Variants in TBC1D12 observed in about 807,000 individuals in gnomAD.
TBC1D12 encodes the protein TBC1 domain family member 12.
TBC1D12 carries 56 observed loss-of-function variants against 86.7 expected under a neutral mutation model. The ratio of observed to expected loss-of-function variants is 0.65; its 90% CI spans 0.52 to 0.81. The LOEUF is 0.81. TBC1D12 is among the 30% of genes least tolerant of loss of function. TBC1D12 has a pLI of 0.00. For missense variants in TBC1D12, 1,023 were observed against 1,038.8 expected (o/e 0.98, Z 0.21); for synonymous variants, 421 against 411.7 (o/e 1.02, Z -0.27).
chr10:94,514,371 A>T (rs934615592), intron 9 of TBC1D12, among the ~76,000 whole-genome samples: 1 of 152,070 alleles, frequency 6.6e-6, no homozygotes, highest in Non-Finnish European at 1.5e-5. Flanking sequence ...AAAAAAATTA[A>T]AGTTACTCCT....
chr10:94,459,756 C>T (rs1053542373), intron 2 of TBC1D12, among the ~76,000 whole-genome samples: 2 of 152,212 alleles, frequency 1.3e-5, no homozygotes, highest in Non-Finnish European at 2.9e-5. Context: ...AAGCCCCTCA[C>T]TGCCCGGGGC....
At chr10:94,514,756 G>A (rs1260258339) in intron 9 of TBC1D12, among the ~76,000 whole-genome samples, 1 of 152,116 alleles carries the variant, frequency 6.6e-6, no homozygotes, top group Non-Finnish European at 1.5e-5. Flanking sequence ...TTGACATACC[G>A]ATTTCAAGTC....
chr10:94,492,556 A>G (rs117177773), intron 3 of TBC1D12, among the ~76,000 whole-genome samples: 4,503 of 152,312 alleles, frequency 0.03, 102 homozygotes, highest in South Asian at 0.045. Flanking sequence ...ATGGAATACT[A>G]CTCAGCAATT....
rs760917790 is a variant in TBC1D12 at position 94,531,377 on chromosome 10, T to C, written c.2176T>C (p.Leu726=). The C allele has an allele frequency of 1.2e-6, 2 of 1,614,132 alleles. 1 individual carries two copies. The highest frequency in any genetic ancestry group is 2.2e-5 in the South Asian group (2 of 91,080). The change falls in exon 12 of 13, where the codon TTG becomes CTG. Residue 726 remains leucine (L), a synonymous_variant. Coordinates refer to ENST00000225235, the MANE Select transcript of TBC1D12 (RefSeq NM_015188.2). ...TCATATAGCACAGTTTCTAACTAAA[T>C]TGCCAGAAGATATCACATCGGAAAA... ...FIHIAQFLTK[L]PEDITSEKLF... is the part of the protein sequence containing the mutation.
intron 1 of TBC1D12, among the ~76,000 whole-genome samples, chr10:94,440,243 C>T (rs2055360019): frequency 6.6e-6 from 1 of 151,750 alleles, no homozygotes; most frequent in African/African-American, 2.4e-5. Context: ...TATCATAGCT[C>T]ACTGCATCCT....
intron 6 of TBC1D12, 62 bp from the exon 7 acceptor site, chr10:94,507,205 A>C (rs1694264144): frequency 6.5e-7 from 1 of 1,529,364 alleles, no homozygotes; most frequent in South Asian, 1.2e-5. Context: ...GTAAAAATTA[A>C]AATTTGCAAA....
intron 3 of TBC1D12, among the ~76,000 whole-genome samples, chr10:94,491,803 A>AGTG: frequency 2.0e-5 from 3 of 146,600 alleles, no homozygotes; most frequent in Admixed American, 6.9e-5. Context: ...CCCTTATTTT[A>AGTG]TTAGTAATGC....
chr10:94,442,210 C>A (rs889020777), intron 2 of TBC1D12, among the ~76,000 whole-genome samples, 191 bp downstream of exon 2: 1 of 150,444 alleles, frequency 6.6e-6, no homozygotes, highest in Non-Finnish European at 1.5e-5. Flanking sequence ...CATATATTTT[C>A]TGTTATCTTT....
Position 94,503,439 on chromosome 10 carries a change from T to G in TBC1D12, c.1519+3112T>G, listed in dbSNP as rs116416726. ...AGCCAGGATTGGATGCAAAAGCTTT[T>G]CTACAAAAATGTTCATTGCAGCAAT... On this transcript the variant is annotated intron_variant, in intron 6 of 12. Coordinates refer to ENST00000225235, the MANE Select transcript of TBC1D12 (RefSeq NM_015188.2). 4.9e-3 allele frequency among the ~76,000 whole-genome samples: 751 copies of G among 152,278 alleles called. 7 individuals are homozygous for G. The highest frequency in any genetic ancestry group is 0.017 in the African/African-American group (716 of 41,564).
At chr10:94,424,051 A>G (rs561969893) in intron 1 of TBC1D12, among the ~76,000 whole-genome samples, 6 of 152,340 alleles carry the variant, frequency 3.9e-5, no homozygotes, top group African/African-American at 1.2e-4. Context: ...ATTAGGTATT[A>G]TAATTAATCT....
At chr10:94,518,702 TTTC>T (rs1409502231) in intron 9 of TBC1D12, among the ~76,000 whole-genome samples, 11 of 152,232 alleles carry the variant, frequency 7.2e-5, no homozygotes, top group Admixed American at 5.2e-4. Context: ...GAAATAACTT[TTTC>T]TTATTTTCTT....
intron 2 of TBC1D12, among the ~76,000 whole-genome samples, chr10:94,464,064 C>G (rs1268899861): frequency 1.3e-5 from 2 of 152,048 alleles, no homozygotes; most frequent in African/African-American, 4.8e-5. Context: ...ACTTTATTAG[C>G]CACTAGAGCT....
chr10:94,465,753 T>G (rs183263594), intron 2 of TBC1D12, among the ~76,000 whole-genome samples: 23 of 150,974 alleles, frequency 1.5e-4, no homozygotes, highest in Admixed American at 1.4e-3. Context: ...TACATACATA[T>G]GTATACATAC....
intron 2 of TBC1D12, among the ~76,000 whole-genome samples, chr10:94,447,963 T>G (rs1589622330): frequency 6.6e-6 from 1 of 151,590 alleles, no homozygotes; most frequent in Non-Finnish European, 1.5e-5. Context: ...GGCACTGCTT[T>G]TATATTGGCA....
intron 3 of TBC1D12, among the ~76,000 whole-genome samples, chr10:94,480,833 C>T (rs934680062): frequency 2.0e-5 from 3 of 150,348 alleles, no homozygotes; most frequent in East Asian, 1.9e-4. Flanking sequence ...GCCATGATCA[C>T]GCCACTGCAC....
At chr10:94,432,323 T>TC (rs1029489910) in intron 1 of TBC1D12, among the ~76,000 whole-genome samples, 1 of 152,152 alleles carries the variant, frequency 6.6e-6, no homozygotes, top group African/African-American at 2.4e-5. Context: ...CACTGGGTTT[T>TC]CCCCCTTAAG....
intron 10 of TBC1D12, 91 bp downstream of exon 10, chr10:94,522,174 C>T (rs1462043504): frequency 3.6e-6 from 5 of 1,407,034 alleles, no homozygotes; most frequent in Middle Eastern, 1.8e-4. Flanking sequence ...ACAATCTAAT[C>T]TAATATAAAC....
rs943436367 is a variant in TBC1D12 at position 94,533,496 on chromosome 10, G to T, written c.*400G>T. ...TTAAATACTACTGTTAACCTCCAAAGTACTATAGTACAGACATTGTTTCCA... is the reference window on the plus strand; with the variant it reads ...TTAAATACTACTGTTAACCTCCAAATTACTATAGTACAGACATTGTTTCCA... On this transcript the variant is annotated 3_prime_UTR_variant, in exon 13 of 13. Transcript: ENST00000225235. 2 of 165,396 alleles carry T rather than the reference G, an allele frequency of 1.2e-5. No individual in the cohort carries two copies. Among genetic ancestry groups the T allele is most frequent in the African/African-American group, 4.8e-5 (2 of 41,510 alleles). 10.2% of individuals were successfully genotyped at this position (165,396 alleles called of 1,614,324 possible). A position where few individuals can be genotyped will look rare whatever the true frequency, so the allele number is the denominator to read the frequency against.
intron 1 of TBC1D12, among the ~76,000 whole-genome samples, chr10:94,424,454 A>C (rs1342132621): frequency 2.0e-5 from 3 of 152,094 alleles, no homozygotes; most frequent in African/African-American, 7.2e-5. Flanking sequence ...TGTTTGTCTA[A>C]ATTCTCCCCT....
Sources: allele counts gnomAD v4.1 joint callset (sites outside exome capture counted in the v4.1 genomes callset), GRCh38; gene constraint gnomAD v4.1.1; transcripts MANE v1.5; gene names NCBI Gene and HGNC (gene_info 2026-07-23, HGNC 2026-07-21).